Variants in JPH3 observed in about 807,000 individuals in gnomAD.
JPH3 encodes junctophilin-3.
In JPH3, 11 loss-of-function variants were observed where a neutral mutation model predicts 59.6. The ratio of observed to expected loss-of-function variants is 0.18; its 90% CI spans 0.12 to 0.31. The LOEUF (loss-of-function observed/expected upper bound fraction) is 0.31. Ranked by LOEUF, JPH3 falls within the 10% of genes least tolerant of loss-of-function variation. The pLI is 1.00. For synonymous variants in JPH3, 673 were observed against 483.6 expected (o/e 1.39, Z -5.14); for missense variants, 1,202 against 1,105.7 (o/e 1.09, Z -1.24).
intron 2 of JPH3, among the ~76,000 whole-genome samples, chr16:87,666,867 G>A (rs188488919): frequency 2.0e-5 from 3 of 152,356 alleles, no homozygotes; most frequent in Admixed American, 1.3e-4. Context: ...AGCCTGCCTC[G>A]TCACCGAGTG....
chr16:87,607,441 G>A (rs1389671802), intron 1 of JPH3, among the ~76,000 whole-genome samples: 5 of 152,142 alleles, frequency 3.3e-5, no homozygotes, highest in East Asian at 1.9e-4. Flanking sequence ...CCCCCCAGGC[G>A]CCTGCGCACA....
chr16:87,641,374 G>A (rs1021732363), intron 1 of JPH3, among the ~76,000 whole-genome samples: 2 of 152,174 alleles, frequency 1.3e-5, no homozygotes, highest in Non-Finnish European at 2.9e-5. Context: ...GGTTGTTTCC[G>A]ACGTTGATGG....
intron 1 of JPH3, among the ~76,000 whole-genome samples, chr16:87,622,203 C>G (rs538885395): frequency 6.6e-6 from 1 of 152,170 alleles, no homozygotes; most frequent in Non-Finnish European, 1.5e-5. Context: ...GCCTGCCTTC[C>G]GAGGCCTCAG....
At chr16:87,692,357 C>T (rs1402961136) in intron 4 of JPH3, among the ~76,000 whole-genome samples, 1 of 152,230 alleles carries the variant, frequency 6.6e-6, no homozygotes, top group African/African-American at 2.4e-5. Context: ...CAGCCGGCAT[C>T]CATGTCAGGG....
intron 4 of JPH3, chr16:87,694,956 G>C (rs575676703): frequency 3.5e-6 from 1 of 281,826 alleles, no homozygotes; most frequent in Admixed American, 4.8e-5. Flanking sequence ...ATCCTCCACT[G>C]GACAGCTGGC....
intron 3 of JPH3, among the ~76,000 whole-genome samples, chr16:87,689,008 C>G (rs72810185): frequency 0.065 from 9,913 of 152,206 alleles, 517 homozygotes; most frequent in Non-Finnish European, 0.086. Context: ...CACCGGCAGA[C>G]GACAGGGACT....
intron 1 of JPH3, among the ~76,000 whole-genome samples, chr16:87,614,444 C>G (rs2030864392): frequency 6.7e-6 from 1 of 150,166 alleles, no homozygotes; most frequent in African/African-American, 2.5e-5. Context: ...AGGAGCTGTG[C>G]GTCCCCTCCC....
At chr16:87,628,727 G>T (rs1229921572) in intron 1 of JPH3, among the ~76,000 whole-genome samples, 2 of 152,202 alleles carry the variant, frequency 1.3e-5, no homozygotes, top group Admixed American at 1.3e-4. Flanking sequence ...TGGCCCGGAT[G>T]TGTGGTGAGT....
chr16:87,679,720 G>A (rs1305239550), intron 2 of JPH3, among the ~76,000 whole-genome samples: 2 of 152,230 alleles, frequency 1.3e-5, no homozygotes, highest in East Asian at 3.9e-4. Flanking sequence ...CTGGGCCAGG[G>A]CCCACCAGAG....
At chr16:87,618,969 A>G (rs1445146595) in intron 1 of JPH3, among the ~76,000 whole-genome samples, 2 of 152,098 alleles carry the variant, frequency 1.3e-5, no homozygotes, top group South Asian at 2.1e-4. Flanking sequence ...GGCGCCTGTA[A>G]TCCCAGCTAC....
intron 2 of JPH3, among the ~76,000 whole-genome samples, chr16:87,648,354 GA>G (rs1464945140): frequency 1.3e-5 from 2 of 152,216 alleles, no homozygotes; most frequent in African/African-American, 4.8e-5. Context: ...ACTGGAGCAT[GA>G]GAGCGGCCGC....
chr16:87,604,535 G>A (rs943730406), intron 1 of JPH3: 11 of 1,265,562 alleles, frequency 8.7e-6, no homozygotes, highest in South Asian at 1.5e-5. Context: ...TGCCTCCCTC[G>A]GGCGGCTCGC....
At chr16:87,665,506 C>T (rs555115166) in intron 2 of JPH3, among the ~76,000 whole-genome samples, 128 of 152,366 alleles carry the variant, frequency 8.4e-4, no homozygotes, top group African/African-American at 2.8e-3. Flanking sequence ...GAACAACCTC[C>T]TCTGAGCCTC....
At chr16:87,651,907 A>T (rs1454436534) in intron 2 of JPH3, among the ~76,000 whole-genome samples, 1 of 152,246 alleles carries the variant, frequency 6.6e-6, no homozygotes, top group Non-Finnish European at 1.5e-5. Context: ...ATCAAATAGC[A>T]TCACATGCTA....
At chr16:87,628,352 C>T (rs895019882) in intron 1 of JPH3, among the ~76,000 whole-genome samples, 1 of 152,256 alleles carries the variant, frequency 6.6e-6, no homozygotes, top group Admixed American at 6.5e-5. Flanking sequence ...TTGGGCGGTG[C>T]CCTCCCTAGC....
intron 4 of JPH3, among the ~76,000 whole-genome samples, chr16:87,691,739 C>A (rs1434871956): frequency 6.6e-6 from 1 of 152,148 alleles, no homozygotes; most frequent in African/African-American, 2.4e-5. Flanking sequence ...AGATGCCTCC[C>A]CGTTCCCCAA....
intron 2 of JPH3, among the ~76,000 whole-genome samples, chr16:87,674,786 A>C (rs1341177746): frequency 6.6e-6 from 1 of 152,032 alleles, no homozygotes; most frequent in Non-Finnish European, 1.5e-5. Flanking sequence ...TTTGAGATGG[A>C]GTCTTGCTCT....
chr16:87,684,470 G>A (rs931129862), intron 3 of JPH3: 1 of 727,452 alleles, frequency 1.4e-6, no homozygotes, highest in Non-Finnish European at 2.2e-6. Flanking sequence ...CACAGGACAT[G>A]TGTCTTGGCA....
chr16:87,657,050 A>G (rs2032526392), intron 2 of JPH3, among the ~76,000 whole-genome samples: 1 of 152,056 alleles, frequency 6.6e-6, no homozygotes, highest in Admixed American at 6.5e-5. Context: ...CCCTATCTCC[A>G]CATATAGGCC....
Sources: gnomAD v4.1 joint callset for allele counts (sites outside exome capture counted in the v4.1 genomes callset) on GRCh38, gnomAD v4.1.1 for gene constraint, MANE v1.5 for transcripts, NCBI Gene and HGNC (gene_info 2026-07-23, HGNC 2026-07-21) for gene names.